PCDHGA6: variants seen among roughly 807,000 people sequenced by gnomAD.
PCDHGA6 encodes the protein protocadherin gamma-A6.
In PCDHGA6, 41 loss-of-function variants were observed where a neutral mutation model predicts 60.6. The ratio of observed to expected loss-of-function variants is 0.68; its 90% CI spans 0.53 to 0.88. PCDHGA6 has a LOEUF of 0.88. Among genes scored for constraint, PCDHGA6 ranks in the 40% least tolerant of loss-of-function variants. PCDHGA6 has a pLI of 0.00. For missense variants in PCDHGA6, 1,312 were observed against 1,203.0 expected, an observed-to-expected ratio of 1.09 and a Z score of -1.34; for synonymous variants, 594 against 524.4, an observed-to-expected ratio of 1.13 and a Z score of -1.81.
chr5:141,415,293 C>G, intron 1 of PCDHGA6: 1 of 1,614,192 alleles, frequency 6.2e-7, no homozygotes, highest in Non-Finnish European at 8.5e-7. Flanking sequence ...CGGTCTCCTG[C>G]GTCTTCCTGG....
At chr5:141,410,961 C>T (rs2095452770) in intron 1 of PCDHGA6, 1 of 178,096 alleles carries the variant, frequency 5.6e-6, no homozygotes, top group African/African-American at 2.5e-5. Flanking sequence ...TCAAGCGATT[C>T]TCCTGCCTCA....
rs368785983 is a variant in PCDHGA6 at position 141,393,012 on chromosome 5, G to A, written c.2424+16505G>A. The A allele has an allele frequency of 1.4e-5, 23 of 1,613,724 alleles. No homozygotes were observed. Among genetic ancestry groups the A allele is most frequent in the Non-Finnish European group, 1.9e-5 (23 of 1,179,884 alleles). ...GCTGGCGAAGCACGGAGTCCGTATC[G>A]TCTCCAGAGGTAGGACGCAGCTCTT... On this transcript the variant is annotated intron_variant, in intron 1 of 3. Transcript: ENST00000517434.
rs746806211 is a variant in PCDHGA6 at position 141,374,389 on chromosome 5, T to C, written c.306T>C (p.Cys102=). The part of the protein sequence containing the change: ...REELCAQSPR[C]LVSFNILVED... ...AGCTCTGTGCTCAGAGCCCGCGGTG[T>C]CTGGTGAGTTTTAACATCCTTGTCG... The change falls in exon 1 of 4, where the codon TGT becomes TGC. Residue 102 remains cysteine (C), a synonymous_variant. Transcript: ENST00000517434. The C allele has an allele frequency of 6.2e-7, 1 of 1,614,028 alleles. No homozygotes were observed. Among genetic ancestry groups the C allele is most frequent in the South Asian group, 1.1e-5 (1 of 91,084 alleles).
intron 1 of PCDHGA6, chr5:141,418,939 C>G: frequency 6.2e-7 from 1 of 1,613,760 alleles, no homozygotes; most frequent in Non-Finnish European, 8.5e-7. Context: ...TGGAGGATTC[C>G]CCTCCAGGAG....
intron 1 of PCDHGA6, chr5:141,395,450 C>A: frequency 1.6e-6 from 1 of 643,034 alleles, no homozygotes; most frequent in Non-Finnish European, 2.5e-6. Flanking sequence ...AAAGATTGTT[C>A]AACCATTTTA....
intron 1 of PCDHGA6, chr5:141,421,475 G>A (rs752558543): frequency 4.3e-6 from 7 of 1,614,150 alleles, no homozygotes. Flanking sequence ...CCGCGAAGCG[G>A]CAGCTTGATC....
chr5:141,479,329 G>A (rs2099493017), intron 1 of PCDHGA6: 1 of 152,490 alleles, frequency 6.6e-6, no homozygotes, highest in African/African-American at 2.4e-5. Context: ...AGACTCAGTG[G>A]TGTGCACCTG....
chr5:141,404,942 A>G, intron 1 of PCDHGA6: 2 of 1,613,982 alleles, frequency 1.2e-6, no homozygotes, highest in South Asian at 1.1e-5. Context: ...CACAGTAGCC[A>G]TAGCTGACAG....
At chr5:141,377,829 C>T (rs970459356) in intron 1 of PCDHGA6, 2 of 152,110 alleles carry the variant, frequency 1.3e-5, no homozygotes, top group South Asian at 2.1e-4. Context: ...CAGTTACAAT[C>T]GCCATTATCT....
intron 1 of PCDHGA6, among the ~76,000 whole-genome samples, chr5:141,472,863 G>A (rs2099301197): frequency 6.7e-6 from 1 of 149,994 alleles, no homozygotes. Context: ...GCACATGCCT[G>A]TATTCCCAGC....
intron 1 of PCDHGA6, among the ~76,000 whole-genome samples, chr5:141,492,329 C>T (rs2099739386): frequency 1.3e-5 from 2 of 152,232 alleles, no homozygotes; most frequent in African/African-American, 4.8e-5. Context: ...CGTGGGCTTA[C>T]GCGAATACCA....
chr5:141,374,905 C>CG lies in PCDHGA6; in HGVS notation c.826dup (p.Glu276GlyfsTer35), dbSNP rs1561564899. The CG allele has an allele frequency of 1.9e-6, 3 of 1,613,734 alleles. No individual in the cohort carries two copies. Among genetic ancestry groups the CG allele is most frequent in the Non-Finnish European group, 2.5e-6 (3 of 1,179,888 alleles). On this transcript the variant is annotated frameshift_variant, in exon 1 of 4. Transcript: ENST00000517434. LOFTEE classifies it high-confidence loss of function. ...CCACCGACCAGGATGAAGGAGTCCA[C>CG]GGGGAAGTAACTTATTCCTTTGTGA...
At chr5:141,421,789 G>A (rs756677817) in intron 1 of PCDHGA6, 5 of 1,613,830 alleles carry the variant, frequency 3.1e-6, no homozygotes, top group East Asian at 2.2e-5. Context: ...GGGCAGAACG[G>A]ATGGGGCCAA....
intron 1 of PCDHGA6, among the ~76,000 whole-genome samples, chr5:141,463,966 A>C (rs923614502): frequency 4.6e-5 from 7 of 152,196 alleles, no homozygotes; most frequent in African/African-American, 1.7e-4. Context: ...AAATAGCTTC[A>C]TAAAACTCCA....
At chr5:141,384,645 A>G in intron 1 of PCDHGA6, 1 of 1,614,218 alleles carries the variant, frequency 6.2e-7, no homozygotes, top group Non-Finnish European at 8.5e-7. Flanking sequence ...CCCGCTCCGC[A>G]GAGCCCGGCT....
intron 1 of PCDHGA6, among the ~76,000 whole-genome samples, chr5:141,483,575 A>G (rs1165739266): frequency 6.6e-6 from 1 of 152,194 alleles, no homozygotes; most frequent in Non-Finnish European, 1.5e-5. Flanking sequence ...GAATTCTGGC[A>G]TAAACACCTA....
At chr5:141,456,352 C>T (rs1253586137) in intron 1 of PCDHGA6, among the ~76,000 whole-genome samples, 1 of 152,050 alleles carries the variant, frequency 6.6e-6, no homozygotes, top group Non-Finnish European at 1.5e-5. Flanking sequence ...GGAAGAATGG[C>T]GTCCATGTGT....
chr5:141,448,152 C>T (rs1463599948), intron 1 of PCDHGA6, among the ~76,000 whole-genome samples: 1 of 151,984 alleles, frequency 6.6e-6, no homozygotes, highest in African/African-American at 2.4e-5. Flanking sequence ...CAGACTCACC[C>T]CTGAAAGATC....
rs2099695710 is a variant in PCDHGA6, at chr5:141,490,068, A to G, written c.2425-4739A>G. On this transcript the variant is annotated intron_variant, in intron 1 of 3. Coordinates refer to ENST00000517434, the MANE Select transcript of PCDHGA6 (RefSeq NM_018919.3). This position sits in a 1 kb window ranked among gnomAD's most constrained non-coding sequence, Gnocchi z 5.4. ...ATCCAGACGAGGGCACCAACGGCCA[A>G]CTAGACTATTCTTTTGGAGACCACA... is the stretch of plus-strand genomic sequence containing the variant. 2 of 1,614,152 alleles carry G rather than the reference A, an allele frequency of 1.2e-6. No homozygotes were observed. The highest frequency in any genetic ancestry group is 1.6e-4 in the Middle Eastern group (1 of 6,084).
Sources: allele counts gnomAD v4.1 joint callset (sites outside exome capture counted in the v4.1 genomes callset), GRCh38; gene constraint gnomAD v4.1.1; non-coding constraint Gnocchi (gnomAD v3.1); transcripts MANE v1.5; gene names NCBI Gene and HGNC (gene_info 2026-07-23, HGNC 2026-07-21).